Variants in CYP24A1 observed in about 807,000 individuals in gnomAD.
CYP24A1 encodes cytochrome P450 family 24 subfamily A member 1.
Under a neutral mutation model 62.4 loss-of-function variants are expected in CYP24A1, and 68 were observed. The ratio of observed to expected loss-of-function variants is 1.09; its 90% CI spans 0.90 to 1.33. The LOEUF is 1.33. Ranked by LOEUF, CYP24A1 falls within the 40% of genes most tolerant of loss-of-function variation. The pLI is 0.00. For synonymous variants in CYP24A1, 267 were observed against 253.0 expected, an observed-to-expected ratio of 1.06 and a Z score of -0.52; for missense variants, 787 against 653.0, an observed-to-expected ratio of 1.21 and a Z score of -2.24.
At chr20:54,158,722 C>T (rs2092638743) in intron 8 of CYP24A1, among the ~76,000 whole-genome samples, 1 of 152,094 alleles carries the variant, frequency 6.6e-6, no homozygotes, top group South Asian at 2.1e-4. Context: ...ATTAGAGTAG[C>T]AAGATTATTG....
downstream of CYP24A1, among the ~76,000 whole-genome samples, chr20:54,152,750 G>T (rs370437477): frequency 2.0e-5 from 3 of 152,190 alleles, no homozygotes; most frequent in Admixed American, 2.0e-4. Context: ...GGGCCTGGAA[G>T]TGTGGATTGC....
At chr20:54,166,228 A>G (rs981479150) in intron 4 of CYP24A1, among the ~76,000 whole-genome samples, 5 of 152,204 alleles carry the variant, frequency 3.3e-5, no homozygotes, top group African/African-American at 1.2e-4. Flanking sequence ...GAAGCCATTC[A>G]CCAGAGGAAG....
chr20:54,170,837 C>T (rs192859344), intron 3 of CYP24A1, among the ~76,000 whole-genome samples: 10 of 152,218 alleles, frequency 6.6e-5, no homozygotes, highest in South Asian at 2.1e-4. Flanking sequence ...CATCTGGGGA[C>T]GCATCCAGTT....
chr20:54,168,824 T>G, intron 4 of CYP24A1, among the ~76,000 whole-genome samples: 2 of 68,548 alleles, frequency 2.9e-5, no homozygotes, highest in African/African-American at 1.1e-4. Context: ...CCCTCCTTCC[T>G]TCCTTCCCTC....
chr20:54,172,887 A>G (rs1015982035), intron 2 of CYP24A1, 22 bp downstream of exon 2: 2 of 1,613,352 alleles, frequency 1.2e-6, no homozygotes, highest in Non-Finnish European at 1.7e-6. Flanking sequence ...CCGCATGCCC[A>G]GGTCCCTCGG....
At position 54,153,548 on chromosome 20, in the gene CYP24A1, CAGAG is replaced by C. The variant is rs1157187145; in HGVS notation, c.*1220_*1223del. On this transcript the variant is annotated 3_prime_UTR_variant, in exon 12 of 12. Transcript: ENST00000216862. Reference sequence around the variant, plus strand: ...TATAATTCTAAAAATAATTTCACAGCAGAGAGAAAGCATATACCTAGATATGTAC... The same window carrying C: ...TATAATTCTAAAAATAATTTCACAGCAGAAAGCATATACCTAGATATGTAC... 4 of 152,228 alleles carry C rather than the reference CAGAG, an allele frequency of 2.6e-5. No individual in the cohort carries two copies. The highest frequency in any genetic ancestry group is 2.9e-5 in the Non-Finnish European group (2 of 68,006). 9.4% of individuals were successfully genotyped at this position (152,228 alleles called of 1,614,324 possible).
intron 4 of CYP24A1, among the ~76,000 whole-genome samples, chr20:54,168,151 C>T (rs1021954948): frequency 6.6e-6 from 1 of 152,158 alleles, no homozygotes; most frequent in African/African-American, 2.4e-5. Flanking sequence ...TGTGAAGCGA[C>T]CCCTGGCCAT....
At chr20:54,170,632 A>T (rs114916831) in intron 3 of CYP24A1, among the ~76,000 whole-genome samples, 1 of 152,198 alleles carries the variant, frequency 6.6e-6, no homozygotes, top group South Asian at 2.1e-4. Flanking sequence ...GTAAATAATA[A>T]TTATGAGACT....
intron 9 of CYP24A1, 121 bp downstream of exon 9, chr20:54,157,965 A>G: frequency 6.6e-7 from 1 of 1,505,628 alleles, no homozygotes; most frequent in South Asian, 1.2e-5. Flanking sequence ...ACTATTCTCT[A>G]CCATCTCTGC....
chr20:54,158,823 A>C (rs1601126996), intron 8 of CYP24A1, 134 bp downstream of exon 8: 13 of 1,491,726 alleles, frequency 8.7e-6, no homozygotes, highest in Non-Finnish European at 1.8e-6. Flanking sequence ...ATATGGCTCC[A>C]AAGATTTTTT....
chr20:54,160,179 A>C (rs544662252), intron 7 of CYP24A1, among the ~76,000 whole-genome samples: 1 of 152,228 alleles, frequency 6.6e-6, no homozygotes, highest in African/African-American at 2.4e-5. Flanking sequence ...AACACCAAAA[A>C]TAAGAAATTC....
At chr20:54,145,594 C>T in the CYP24A1 span, among the ~76,000 whole-genome samples, 7 of 142,396 alleles carry the variant, frequency 4.9e-5, no homozygotes, top group African/African-American at 1.6e-4. Flanking sequence ...GAGCCAAGAT[C>T]GTGCCACTGC....
In CYP24A1 at chr20:54,169,575, CTG is replaced by C. The variant is rs1318283842; in HGVS notation, c.640+15_640+16del. On this transcript the variant is annotated intron_variant, in intron 4 of 11. Transcript: ENST00000216862. ...TCACCTGCAAAATCAGTGAGCAAGT[CTG>C]TGACGACAACTTACTTTCAAACGAC... The C allele has an allele frequency of 6.2e-7, 1 of 1,614,008 alleles. No individual in the cohort carries two copies.
chr20:54,168,761 T>TCCCC (rs1283628118), intron 4 of CYP24A1, among the ~76,000 whole-genome samples: 2 of 123,178 alleles, frequency 1.6e-5, no homozygotes, highest in African/African-American at 6.3e-5. Flanking sequence ...CTTCCTTCTC[T>TCCCC]CCCTCCTTCC....
intron 4 of CYP24A1, among the ~76,000 whole-genome samples, chr20:54,166,671 C>T (rs1294543870): frequency 6.6e-6 from 1 of 152,120 alleles, no homozygotes; most frequent in African/African-American, 2.4e-5. Flanking sequence ...AAAAAATCTA[C>T]TGTGTCCCAT....
chr20:54,143,863 T>G, the CYP24A1 span, among the ~76,000 whole-genome samples: 1 of 152,162 alleles, frequency 6.6e-6, no homozygotes, highest in Admixed American at 6.5e-5. Flanking sequence ...AAGCAAAAAC[T>G]TCTACAATTA....
At position 54,169,601 on chromosome 20, in the gene CYP24A1, A is replaced by G. The variant is rs2092686762; in HGVS notation, c.631T>C (p.Ser211Pro). 6.2e-7 allele frequency: 1 copy of G among 1,614,178 alleles called. No individual in the cohort carries two copies. The highest frequency in any genetic ancestry group is 8.5e-7 in the Non-Finnish European group (1 of 1,180,024). ...EDLYSELNKW[S>P]FESICLVLYE... The stretch of plus-strand genomic sequence containing the variant: ...TGTGACGACAACTTACTTTCAAACG[A>G]CCATTTGTTCAGTTCGCTGTACAAG... Residue 211 changes from serine (S) to proline (P), a missense_variant, in exon 4 of 12, where the codon TCG becomes CCG. Physicochemically the swap from Ser to Pro is moderately conservative, Grantham distance 74. Transcript: ENST00000216862.
At chr20:54,168,406 T>A (rs2146496777) in intron 4 of CYP24A1, among the ~76,000 whole-genome samples, 1 of 152,258 alleles carries the variant, frequency 6.6e-6, no homozygotes, top group East Asian at 1.9e-4. Flanking sequence ...GTTGGACACC[T>A]GCCTTCTTTT....
Position 54,173,167 on chromosome 20 carries a change from C to T in CYP24A1, c.259-68G>A, listed in dbSNP as rs969248281. 3.4e-5 allele frequency: 54 copies of T among 1,566,080 alleles called. No homozygotes were observed. The African/African-American group carries it at 7.1e-4, about 21-fold the overall frequency. On this transcript the variant is annotated intron_variant, in intron 1 of 11. Coordinates refer to ENST00000216862, the MANE Select transcript of CYP24A1 (RefSeq NM_000782.5). This position sits in a 1 kb window ranked among gnomAD's most constrained non-coding sequence, Gnocchi z 7.2. ...CGCCGTGCCCGAAGCGCTTTCCCTC[C>T]TCCCGCCTCCTTCCTCCTAGGGGAC...
Sources: gnomAD v4.1 joint callset for allele counts (sites outside exome capture counted in the v4.1 genomes callset) on GRCh38, gnomAD v4.1.1 for gene constraint, Gnocchi (gnomAD v3.1) non-coding constraint, MANE v1.5 for transcripts, NCBI Gene and HGNC (gene_info 2026-07-23, HGNC 2026-07-21) for gene names.